The following SLC6A11 variants were observed in gnomAD, a reference collection of about 807,000 sequenced individuals.
SLC6A11 encodes solute carrier family 6 member 11, also known as sodium- and chloride-dependent GABA transporter 3.
A neutral mutation model predicts 74.8 loss-of-function variants in SLC6A11; 25 were observed. The observed-to-expected ratio is 0.33, with a 90% CI of 0.24 to 0.47. The LOEUF is 0.47. Among genes scored for constraint, SLC6A11 ranks in the 20% least tolerant of loss-of-function variants. The probability of loss-of-function intolerance (pLI) is 1.00; values close to 1 mark genes in which losing one functional copy is unlikely to be tolerated. For missense variants in SLC6A11, 574 were observed against 837.0 expected (o/e 0.69, Z 3.88); for synonymous variants, 330 against 330.2 (o/e 1.00, Z 0.01).
chr3:10,895,820 C>A (rs1695164488), intron 6 of SLC6A11, among the ~76,000 whole-genome samples: 1 of 152,138 alleles, frequency 6.6e-6, no homozygotes, highest in African/African-American at 2.4e-5. Context: ...ATAGCTAATG[C>A]ATGTGGGGCT....
intron 8 of SLC6A11, 57 bp from the exon 9 acceptor site, chr3:10,925,947 C>A: frequency 1.1e-6 from 1 of 929,678 alleles, no homozygotes; most frequent in Non-Finnish European, 1.7e-6. Context: ...ATTAAAATAG[C>A]AATGATATGA....
intron 4 of SLC6A11, among the ~76,000 whole-genome samples, chr3:10,843,908 AT>A (rs1694469311): frequency 6.6e-6 from 1 of 152,212 alleles, no homozygotes; most frequent in South Asian, 2.1e-4. Flanking sequence ...GACTGGTAAT[AT>A]GATCTCCTGG....
At position 10,829,620 on chromosome 3, in the gene SLC6A11, C is replaced by T. The variant is rs550567458; in HGVS notation, c.623+6228C>T. 2.0e-5 allele frequency among the ~76,000 whole-genome samples: 3 copies of T among 152,324 alleles called. 1 individual carries two copies. In the South Asian group the frequency reaches 6.2e-4, roughly 32 times the overall value. ...TTAAGCAGCTGCCCCTTCCTCCTGT[C>T]AAGTGTGTGACCCTGGGCAACCTGA... On this transcript the variant is annotated intron_variant, in intron 4 of 13. Coordinates refer to ENST00000254488, the MANE Select transcript of SLC6A11 (RefSeq NM_014229.3).
intron 5 of SLC6A11, among the ~76,000 whole-genome samples, chr3:10,846,516 G>A (rs1694505319): frequency 6.6e-6 from 1 of 152,128 alleles, no homozygotes; most frequent in Admixed American, 6.5e-5. Context: ...CCAGGCTGTG[G>A]GCTACAGCAG....
rs750656217 is a variant in SLC6A11 at position 10,844,389 on chromosome 3, G to A, written c.756+43G>A. 1.1e-5 allele frequency: 17 copies of A among 1,612,896 alleles called. No homozygotes were observed. The East Asian group carries it at 2.2e-4, about 21-fold the overall frequency. On this transcript the variant is annotated intron_variant, in intron 5 of 13. Coordinates refer to ENST00000254488, the MANE Select transcript of SLC6A11 (RefSeq NM_014229.3). ...AAGCAGCTAACCGTGGCAGGGGAAGGCACGAGCTCACAGATGACCTAGAGA... is the reference window on the plus strand; with the variant it reads ...AAGCAGCTAACCGTGGCAGGGGAAGACACGAGCTCACAGATGACCTAGAGA...
intron 13 of SLC6A11, among the ~76,000 whole-genome samples, chr3:10,937,841 C>A (rs1695776450): frequency 6.6e-6 from 1 of 152,188 alleles, no homozygotes; most frequent in Non-Finnish European, 1.5e-5. Context: ...CAGCAATTGT[C>A]CTGTAAACAG....
At chr3:10,864,116 C>T (rs79941326) in intron 5 of SLC6A11, among the ~76,000 whole-genome samples, 23 of 151,954 alleles carry the variant, frequency 1.5e-4, no homozygotes, top group Admixed American at 1.2e-3. Context: ...AGCATTTTTC[C>T]CTCTTGAGCC....
chr3:10,922,007 C>T (rs1479735325), intron 8 of SLC6A11, among the ~76,000 whole-genome samples: 1 of 152,184 alleles, frequency 6.6e-6, no homozygotes, highest in Non-Finnish European at 1.5e-5. Context: ...GAGGGGAAAA[C>T]AGACAAATCC....
intron 5 of SLC6A11, among the ~76,000 whole-genome samples, chr3:10,852,068 G>T (rs1694583240): frequency 6.6e-6 from 1 of 152,258 alleles, no homozygotes; most frequent in Non-Finnish European, 1.5e-5. Flanking sequence ...TAAAAGGAAG[G>T]GATGTGTGAA....
intron 6 of SLC6A11, among the ~76,000 whole-genome samples, chr3:10,875,939 T>G (rs1391790562): frequency 6.6e-6 from 1 of 152,234 alleles, no homozygotes; most frequent in Non-Finnish European, 1.5e-5. Context: ...CAGTATCTTT[T>G]AAAGGACTCT....
At chr3:10,925,897 C>G in intron 8 of SLC6A11, 107 bp from the exon 9 acceptor site, 1 of 688,346 alleles carries the variant, frequency 1.5e-6, no homozygotes, top group South Asian at 1.7e-5. Flanking sequence ...GAGAGGCAGG[C>G]ACAGTGCCTG....
Position 10,935,054 on chromosome 3 carries a change from A to G in SLC6A11, c.1601A>G (p.Lys534Arg). ...CAGIFIFFLI[K>R]YKPLKYNNIY... ...GGGATCTTCATCTTCTTCTTGATCA[A>G]GTACAAGCCACTCAAGTACAACAAC... The change falls in exon 13 of 14, where the codon AAG becomes AGG. Residue 534 changes from lysine (K) to arginine (R), a missense_variant. Lys to Arg is a conservative substitution (Grantham distance 26, BLOSUM62 2). Transcript: ENST00000254488. 6.2e-7 allele frequency: 1 copy of G among 1,613,786 alleles called. No individual in the cohort carries two copies. The highest frequency in any genetic ancestry group is 8.5e-7 in the Non-Finnish European group (1 of 1,179,896).
chr3:10,881,961 A>G (rs1286624045), intron 6 of SLC6A11, among the ~76,000 whole-genome samples: 1 of 152,152 alleles, frequency 6.6e-6, no homozygotes, highest in African/African-American at 2.4e-5. Flanking sequence ...GACTGGTACA[A>G]AGCTCTGGAC....
At chr3:10,908,511 G>C (rs1203691573) in intron 6 of SLC6A11, among the ~76,000 whole-genome samples, 1 of 152,146 alleles carries the variant, frequency 6.6e-6, no homozygotes, top group Non-Finnish European at 1.5e-5. Flanking sequence ...TACCCTTAAA[G>C]ATTCATGTGA....
In SLC6A11 at chr3:10,934,097, C is replaced by T. The variant is rs1208199027; in HGVS notation, c.1506C>T (p.Asp502=). 3 of 1,613,800 alleles carry T rather than the reference C, an allele frequency of 1.9e-6. No individual in the cohort carries two copies. The highest frequency in any genetic ancestry group is 2.5e-6 in the Non-Finnish European group (3 of 1,179,702). The change falls in exon 12 of 14, where the codon GAC becomes GAT. Residue 502 remains aspartate, a synonymous_variant. Transcript: ENST00000254488. ...ACCGGTTCTATGATAACATTGAAGA[C>T]ATGATTGGCTACCGGCCACCGTCGC... The part of the protein sequence containing the change: ...GSNRFYDNIE[D]MIGYRPPSLI...
chr3:10,899,909 C>G (rs981283577), intron 6 of SLC6A11, among the ~76,000 whole-genome samples: 1 of 152,148 alleles, frequency 6.6e-6, no homozygotes, highest in Non-Finnish European at 1.5e-5. Flanking sequence ...AAACCATAAC[C>G]CTGTTATAAA....
chr3:10,916,303 A>G (rs996266077), intron 7 of SLC6A11, among the ~76,000 whole-genome samples: 1 of 152,154 alleles, frequency 6.6e-6, no homozygotes, highest in Non-Finnish European at 1.5e-5. Flanking sequence ...GTACCAGAAG[A>G]GTTATTTGAA....
In SLC6A11 at chr3:10,926,354, C is replaced by A. The variant is rs1181174755; in HGVS notation, c.1233+238C>A. Among the ~76,000 whole-genome samples the A allele has an allele frequency of 6.6e-6, 1 of 152,184 alleles. No homozygotes were observed. The highest frequency in any genetic ancestry group is 1.5e-5 in the Non-Finnish European group (1 of 68,040). On this transcript the variant is annotated intron_variant, in intron 9 of 13. Coordinates refer to ENST00000254488, the MANE Select transcript of SLC6A11 (RefSeq NM_014229.3). The surrounding 1 kb of genome is among the most constrained non-coding windows in gnomAD (Gnocchi z 5.7). The stretch of plus-strand genomic sequence containing the variant: ...AAATGTCTGTTCCGGCCCCTCTAAG[C>A]CTTCCCAAACACTGTTTTCCTTACC...
intron 5 of SLC6A11, among the ~76,000 whole-genome samples, chr3:10,851,550 G>C (rs554495815): frequency 1.3e-5 from 2 of 152,290 alleles, no homozygotes; most frequent in South Asian, 4.1e-4. Flanking sequence ...TAAGCAGATC[G>C]TGTTGTCTGG....
Sources: gnomAD v4.1 joint callset for allele counts (sites outside exome capture counted in the v4.1 genomes callset) on GRCh38, gnomAD v4.1.1 for gene constraint, Gnocchi (gnomAD v3.1) non-coding constraint, MANE v1.5 for transcripts, NCBI Gene and HGNC (gene_info 2026-07-23, HGNC 2026-07-21) for gene names.